Variants in EPB41L2 observed in about 807,000 individuals in gnomAD.
EPB41L2 encodes erythrocyte membrane protein band 4.1 like 2.
In EPB41L2, 43 loss-of-function variants were observed where a neutral mutation model predicts 113.0. That is an observed-to-expected ratio of 0.38 (90% CI 0.30 to 0.49). EPB41L2 has a LOEUF of 0.49. EPB41L2 is among the 20% of genes least tolerant of loss of function. EPB41L2 has a pLI of 0.95. For missense variants in EPB41L2, 1,147 were observed against 1,223.4 expected (o/e 0.94, Z 0.93); for synonymous variants, 442 against 436.7 (o/e 1.01, Z -0.15).
intron 19 of EPB41L2, among the ~76,000 whole-genome samples, chr6:130,855,873 G>C (rs1392582052): frequency 6.6e-6 from 1 of 152,008 alleles, no homozygotes. Flanking sequence ...ACTATCGGTG[G>C]TGGGGGGAGG....
At chr6:131,032,221 T>G (rs575638854) in intron 1 of EPB41L2, among the ~76,000 whole-genome samples, 1 of 151,956 alleles carries the variant, frequency 6.6e-6, no homozygotes, top group African/African-American at 2.4e-5. Flanking sequence ...GGGACTGGTA[T>G]AGTGGTTTAC....
rs1774948720 is a variant in EPB41L2, at chr6:130,839,664, TGTGTAGACAAAGAG to T, written c.*926_*939del. ...TCAATAACAAAAGGTAAGTTTTACA[TGTGTAGACAAAGAG>T]GTTTAATACAAAGCAAGAGTTCTAC... On this transcript the variant is annotated 3_prime_UTR_variant, in exon 20 of 20. Transcript: ENST00000337057. 1 of 152,238 alleles carries T rather than the reference TGTGTAGACAAAGAG, an allele frequency of 6.6e-6. No homozygotes were observed. Among genetic ancestry groups the T allele is most frequent in the African/African-American group, 2.4e-5 (1 of 41,460 alleles). The allele number at this position is 152,238 out of a possible 1,614,324, so 9.4% of individuals were successfully genotyped here.
intron 4 of EPB41L2, among the ~76,000 whole-genome samples, chr6:130,918,282 C>T (rs925355887): frequency 1.3e-5 from 2 of 152,064 alleles, no homozygotes; most frequent in Non-Finnish European, 2.9e-5. Flanking sequence ...ATAAAGTTAG[C>T]CGTGAATATC....
intron 3 of EPB41L2, among the ~76,000 whole-genome samples, chr6:130,938,922 G>C (rs1029253366): frequency 3.9e-5 from 6 of 152,208 alleles, no homozygotes; most frequent in Admixed American, 1.3e-4. Flanking sequence ...AAAGTAGGCA[G>C]GAAGCTTAGA....
chr6:130,908,893 GA>G, intron 4 of EPB41L2, 30 bp from the exon 5 acceptor site: 1 of 1,536,578 alleles, frequency 6.5e-7, no homozygotes, highest in African/African-American at 1.4e-5. Flanking sequence ...TAATTCATAA[GA>G]AATATTCTAG....
intron 1 of EPB41L2, among the ~76,000 whole-genome samples, chr6:130,965,442 G>A (rs1352242686): frequency 6.6e-6 from 1 of 151,902 alleles, no homozygotes; most frequent in African/African-American, 2.4e-5. Context: ...TTTTTGGAGA[G>A]GACTAATTCT....
intron 4 of EPB41L2, among the ~76,000 whole-genome samples, chr6:130,916,880 GA>G: frequency 6.6e-6 from 1 of 152,302 alleles, no homozygotes; most frequent in South Asian, 2.1e-4. Flanking sequence ...TTTTTATGTA[GA>G]AATTTCTTTC....
intron 1 of EPB41L2, among the ~76,000 whole-genome samples, chr6:130,998,416 G>A (rs1037970869): frequency 6.6e-6 from 1 of 152,158 alleles, no homozygotes; most frequent in Non-Finnish European, 1.5e-5. Flanking sequence ...GATCAACCAA[G>A]TAACACTTGC....
chr6:130,963,564 A>G (rs746833995), intron 1 of EPB41L2, among the ~76,000 whole-genome samples: 1 of 152,214 alleles, frequency 6.6e-6, no homozygotes, highest in Non-Finnish European at 1.5e-5. Context: ...ATAATTTTCA[A>G]TAACATCCAG....
At chr6:130,991,656 T>C (rs182648207) in intron 1 of EPB41L2, among the ~76,000 whole-genome samples, 6 of 152,332 alleles carry the variant, frequency 3.9e-5, no homozygotes, top group Admixed American at 2.0e-4. Context: ...GGACTTGATA[T>C]AGCTACATCT....
intron 10 of EPB41L2, among the ~76,000 whole-genome samples, chr6:130,890,817 C>T (rs1792586516): frequency 6.6e-6 from 1 of 152,194 alleles, no homozygotes; most frequent in African/African-American, 2.4e-5. Flanking sequence ...CGCCAAGTAA[C>T]AATCCATTAC....
At chr6:130,906,723 C>A (rs1027395913) in intron 5 of EPB41L2, among the ~76,000 whole-genome samples, 1 of 152,064 alleles carries the variant, frequency 6.6e-6, no homozygotes, top group Non-Finnish European at 1.5e-5. Flanking sequence ...TCGCTAACTG[C>A]CTATGAGCTG....
chr6:130,971,126 G>A (rs1382079282), intron 1 of EPB41L2, among the ~76,000 whole-genome samples: 1 of 152,054 alleles, frequency 6.6e-6, no homozygotes, highest in Non-Finnish European at 1.5e-5. Context: ...CCAACTCCAG[G>A]ACTCAAGTGA....
At chr6:130,955,928 A>C in intron 2 of EPB41L2, 66 bp downstream of exon 2, 1 of 1,538,896 alleles carries the variant, frequency 6.5e-7, no homozygotes, top group Admixed American at 2.1e-5. Context: ...CAAAACAAAC[A>C]AACCCTTTTT....
intron 6 of EPB41L2, among the ~76,000 whole-genome samples, chr6:130,901,552 CTT>C (rs1253190814): frequency 2.0e-5 from 3 of 152,024 alleles, no homozygotes; most frequent in Non-Finnish European, 2.9e-5. Flanking sequence ...AAAAACTAGT[CTT>C]AATCATTTGT....
chr6:130,896,442 G>C (rs1794682591), intron 8 of EPB41L2, among the ~76,000 whole-genome samples: 1 of 152,202 alleles, frequency 6.6e-6, no homozygotes. Context: ...ACTGCCCATG[G>C]CCACCGGGAG....
intron 3 of EPB41L2, among the ~76,000 whole-genome samples, chr6:130,928,337 A>G (rs1309907766): frequency 2.0e-5 from 3 of 152,220 alleles, no homozygotes; most frequent in Non-Finnish European, 4.4e-5. Context: ...TATGTGACCC[A>G]TGGCAAGACA....
chr6:130,952,396 A>G (rs545447799), intron 3 of EPB41L2, among the ~76,000 whole-genome samples: 3 of 113,470 alleles, frequency 2.6e-5, no homozygotes, highest in Non-Finnish European at 6.6e-5. Flanking sequence ...ACTGTGACTC[A>G]GGAGGGGAAT....
intron 1 of EPB41L2, among the ~76,000 whole-genome samples, chr6:131,035,378 A>T (rs1793088395): frequency 6.6e-6 from 1 of 152,012 alleles, no homozygotes; most frequent in Non-Finnish European, 1.5e-5. Flanking sequence ...TCACCTCCAC[A>T]CCTTTGCCTT....
Sources: allele counts gnomAD v4.1 joint callset (sites outside exome capture counted in the v4.1 genomes callset), GRCh38; gene constraint gnomAD v4.1.1; transcripts MANE v1.5; gene names NCBI Gene and HGNC (gene_info 2026-07-23, HGNC 2026-07-21).